Variants in PLEKHG3 observed in about 807,000 individuals in gnomAD.
PLEKHG3 encodes the protein pleckstrin homology and RhoGEF domain containing G3.
PLEKHG3 carries 62 observed loss-of-function variants against 94.9 expected under a neutral mutation model. That is an observed-to-expected ratio of 0.65 (90% CI 0.53 to 0.81). The LOEUF (loss-of-function observed/expected upper bound fraction) is 0.81. Ranked by LOEUF, PLEKHG3 falls within the 30% of genes least tolerant of loss-of-function variation. PLEKHG3 has a pLI of 0.00. For synonymous variants in PLEKHG3, 614 were observed against 654.0 expected (o/e 0.94, Z 0.93); for missense variants, 1,461 against 1,619.3 (o/e 0.90, Z 1.68).
Position 64,741,312 on chromosome 14 carries a change from C to T in PLEKHG3, c.1795C>T (p.Leu599=), listed in dbSNP as rs1481635686. ...TGAGAGCCTTCTGCCACCCTCTGTG[C>T]TGGACCAGGCCAGCGTCATTGCGGA... is the stretch of plus-strand genomic sequence containing the variant. ...EPESLLPPSV[L]DQASVIAERF... is the part of the protein sequence containing the mutation. Residue 599 remains leucine (L), a synonymous_variant, in exon 16 of 17, where the codon CTG becomes TTG. Coordinates refer to ENST00000247226, the MANE Select transcript of PLEKHG3 (RefSeq NM_001308147.2). 6.2e-7 allele frequency: 1 copy of T among 1,613,634 alleles called. No homozygotes were observed. Among genetic ancestry groups the T allele is most frequent in the Non-Finnish European group, 8.5e-7 (1 of 1,180,030 alleles).
chr14:64,714,450 T>C (rs2081106338), intron 1 of PLEKHG3, among the ~76,000 whole-genome samples: 1 of 152,212 alleles, frequency 6.6e-6, no homozygotes, highest in Admixed American at 6.5e-5. Context: ...TATTCTGTTT[T>C]CCCTCCTCTA....
intron 1 of PLEKHG3, among the ~76,000 whole-genome samples, chr14:64,712,780 C>G (rs1406148138): frequency 1.3e-5 from 2 of 152,148 alleles, no homozygotes; most frequent in African/African-American, 4.8e-5. Flanking sequence ...TTATTTCTTC[C>G]TTTTCAACCC....
Position 64,731,677 on chromosome 14 carries a change from A to G in PLEKHG3, c.1033-37A>G, listed in dbSNP as rs1182180122. The G allele has an allele frequency of 2.6e-6, 4 of 1,564,222 alleles. No individual in the cohort carries two copies. The East Asian group carries it at 6.7e-5, about 26-fold the overall frequency. On this transcript the variant is annotated intron_variant, in intron 8 of 16. Coordinates refer to ENST00000247226, the MANE Select transcript of PLEKHG3 (RefSeq NM_001308147.2). This position sits in a 1 kb window ranked among gnomAD's most constrained non-coding sequence, Gnocchi z 6.1. ...ACCCTCCCTGCTTCCCCAGGCTGTC[A>G]ACCTTGTGCTTGACTGTCCTTTCCC...
rs1164800175 is a variant in PLEKHG3 at position 64,737,087 on chromosome 14, T to A, written c.1384+196T>A. ...GGAGAGGGGCTGGAGCTCTCCCCCA[T>A]GCACAGGCCTCATGCCCTTTCCTCC... On this transcript the variant is annotated intron_variant, in intron 13 of 16. Transcript: ENST00000247226. 10 of 664,376 alleles carry A rather than the reference T, an allele frequency of 1.5e-5. No homozygotes were observed. In the East Asian group the frequency reaches 2.7e-4, roughly 18 times the overall value. The allele number at this position is 664,376 out of a possible 1,614,324, so 41.2% of individuals were successfully genotyped here. A position where few individuals can be genotyped will look rare whatever the true frequency, so the allele number is the denominator to read the frequency against.
intron 1 of PLEKHG3, among the ~76,000 whole-genome samples, chr14:64,707,389 C>A (rs1414629967): frequency 6.6e-6 from 1 of 152,190 alleles, no homozygotes; most frequent in African/African-American, 2.4e-5. Context: ...CCCCTTAGTT[C>A]TATTTTAAAG....
Position 64,704,444 on chromosome 14 carries a change from C to G in PLEKHG3, c.-300C>G, listed in dbSNP as rs1429439090. On this transcript the variant is annotated 5_prime_UTR_variant, in exon 1 of 17. Transcript: ENST00000247226. This position sits in a 1 kb window ranked among gnomAD's most constrained non-coding sequence, Gnocchi z 5.6. ...CCCTCGCTCCCTCGCTCCCTCGCTC[C>G]CTCCTGCCCTCCCGCTGCAGCTCCG... 1.2e-5 allele frequency: 2 copies of G among 162,674 alleles called. No individual in the cohort carries two copies. The highest frequency in any genetic ancestry group is 4.9e-5 in the African/African-American group (2 of 41,202). 10.1% of individuals were successfully genotyped at this position (162,674 alleles called of 1,614,324 possible).
At chr14:64,737,086 A>G in intron 13 of PLEKHG3, 195 bp downstream of exon 13, 3 of 668,512 alleles carry the variant, frequency 4.5e-6, no homozygotes, top group Non-Finnish European at 8.3e-6. Flanking sequence ...GCTCTCCCCC[A>G]TGCACAGGCC....
intron 1 of PLEKHG3, among the ~76,000 whole-genome samples, chr14:64,711,823 A>C (rs183055839): frequency 1.0e-3 from 153 of 152,306 alleles, no homozygotes; most frequent in Non-Finnish European, 2.0e-3. Flanking sequence ...GTGCTGTGAA[A>C]CACAAAAGTT....
In PLEKHG3 at chr14:64,749,752, A is replaced by AGAGGGCTGGCTCT; in HGVS notation, c.*6052_*6064dup. 6.3e-7 allele frequency: 1 copy of AGAGGGCTGGCTCT among 1,597,560 alleles called. No individual in the cohort carries two copies. Among genetic ancestry groups the AGAGGGCTGGCTCT allele is most frequent in the South Asian group, 1.1e-5 (1 of 89,378 alleles). On this transcript the variant is annotated 3_prime_UTR_variant, in exon 17 of 17. Transcript: ENST00000247226. This position sits in a 1 kb window ranked among gnomAD's most constrained non-coding sequence, Gnocchi z 4.7. ...GACACCTCTGGAGGGGGCGCTGGGC[A>AGAGGGCTGGCTCT]GAGGGCTGGCTCTGATCCCACAATA...
At position 64,741,326 on chromosome 14, in the gene PLEKHG3, C is replaced by T. The variant is rs772799981; in HGVS notation, c.1809C>T (p.Ser603=). The part of the protein sequence containing the change: ...LLPPSVLDQA[S]VIAERFVSSF... ...CACCCTCTGTGCTGGACCAGGCCAG[C>T]GTCATTGCGGAGCGATTTGTCAGCA... is the stretch of plus-strand genomic sequence containing the variant. The change falls in exon 16 of 17, where the codon AGC becomes AGT. Residue 603 remains serine, a synonymous_variant. Transcript: ENST00000247226. The T allele has an allele frequency of 2.5e-5, 40 of 1,613,496 alleles. No homozygotes were observed. Among genetic ancestry groups the T allele is most frequent in the Admixed American group, 1.0e-4 (6 of 60,010 alleles).
At position 64,749,549 on chromosome 14, in the gene PLEKHG3, G is replaced by A. The variant is rs2081909982; in HGVS notation, c.*5846G>A. 6.2e-7 allele frequency: 1 copy of A among 1,602,348 alleles called. No homozygotes were observed. The highest frequency in any genetic ancestry group is 8.5e-7 in the Non-Finnish European group (1 of 1,178,542). On this transcript the variant is annotated 3_prime_UTR_variant, in exon 17 of 17. Transcript: ENST00000247226. The surrounding 1 kb of genome is among the most constrained non-coding windows in gnomAD (Gnocchi z 4.7). ...TCCCGGGCCAGGCAACAATGGTGGGGGCTCTTGGGACTGCCCCTTCTGAGG... is the reference window on the plus strand; with the variant it reads ...TCCCGGGCCAGGCAACAATGGTGGGAGCTCTTGGGACTGCCCCTTCTGAGG...
Position 64,729,209 on chromosome 14 carries a change from C to T in PLEKHG3, c.449+116C>T, listed in dbSNP as rs1348375964. 12 of 566,118 alleles carry T rather than the reference C, an allele frequency of 2.1e-5. No individual in the cohort carries two copies. The East Asian group carries it at 3.6e-4, about 17-fold the overall frequency. The allele number at this position is 566,118 out of a possible 1,614,324, so 35.1% of individuals were successfully genotyped here. A position where few individuals can be genotyped will look rare whatever the true frequency, so the allele number is the denominator to read the frequency against. ...GGCCTGTGACATGTGGGCCTGGGGC[C>T]TGATCTCTGAGGACAGGGAAGGGTT... is the stretch of plus-strand genomic sequence containing the variant. On this transcript the variant is annotated intron_variant, in intron 3 of 16. Transcript: ENST00000247226.
chr14:64,724,374 C>G (rs1200918414), intron 1 of PLEKHG3, among the ~76,000 whole-genome samples: 3 of 152,096 alleles, frequency 2.0e-5, no homozygotes, highest in Non-Finnish European at 2.9e-5. Flanking sequence ...GCTCTTGGCT[C>G]TTTTCCAGCA....
In PLEKHG3 at chr14:64,743,467, C is replaced by T. The variant is rs766151904; in HGVS notation, c.3424C>T (p.Arg1142Trp). The part of the protein sequence containing the change: ...VTADLTLEDN[R>W]RVIVMEKGPL... ...TGCAGACCTCACCCTGGAGGACAACCGGCGGGTGATTGTCATGGAGAAGGG... is the reference window on the plus strand; with the variant it reads ...TGCAGACCTCACCCTGGAGGACAACTGGCGGGTGATTGTCATGGAGAAGGG... The change falls in exon 17 of 17, where the codon CGG becomes TGG. Residue 1142 changes from arginine (R) to tryptophan (W), a missense_variant. Transcript: ENST00000247226. This position sits in a 1 kb window ranked among gnomAD's most constrained non-coding sequence, Gnocchi z 7.2. 2.9e-5 allele frequency: 47 copies of T among 1,613,080 alleles called. No homozygotes were observed. Among genetic ancestry groups the T allele is most frequent in the Middle Eastern group, 1.6e-4 (1 of 6,082 alleles).
chr14:64,740,194 C>G (rs1186354293), intron 15 of PLEKHG3, among the ~76,000 whole-genome samples: 1 of 152,164 alleles, frequency 6.6e-6, no homozygotes, highest in African/African-American at 2.4e-5. Context: ...GCTGGTGGCT[C>G]CCATGTTGAA....
Position 64,745,708 on chromosome 14 carries a change from A to T in PLEKHG3, c.*2005A>T, listed in dbSNP as rs1238573879. 1 of 152,226 alleles carries T rather than the reference A, an allele frequency of 6.6e-6. No individual in the cohort carries two copies. Among genetic ancestry groups the T allele is most frequent in the African/African-American group, 2.4e-5 (1 of 41,444 alleles). 9.4% of individuals were successfully genotyped at this position (152,226 alleles called of 1,614,324 possible). A position where few individuals can be genotyped will look rare whatever the true frequency, so the allele number is the denominator to read the frequency against. ...GCCCTGCGCTGCTTCTGCTCAAGAG[A>T]GGTTGTCACTAGCCTCTGATCTTCC... On this transcript the variant is annotated 3_prime_UTR_variant, in exon 17 of 17. Transcript: ENST00000247226. The surrounding 1 kb of genome is among the most constrained non-coding windows in gnomAD (Gnocchi z 5.0).
At chr14:64,737,980 A>AGGT in intron 14 of PLEKHG3, 1 of 926,340 alleles carries the variant, frequency 1.1e-6, no homozygotes, top group Non-Finnish European at 1.4e-6. Flanking sequence ...GAGGTGGTGG[A>AGGT]GGAGGAGGAG....
At chr14:64,709,729 CTGTGTGTGTGTG>C (rs3063746) in intron 1 of PLEKHG3, among the ~76,000 whole-genome samples, 12 of 144,024 alleles carry the variant, frequency 8.3e-5, no homozygotes, top group Admixed American at 2.8e-4. Flanking sequence ...GGCTGTGAGA[CTGTGTGTGTGTG>C]TGTGTGTGTG....
intron 1 of PLEKHG3, among the ~76,000 whole-genome samples, chr14:64,706,352 C>T (rs2080970488): frequency 1.3e-5 from 2 of 152,208 alleles, no homozygotes; most frequent in Non-Finnish European, 2.9e-5. Context: ...AAGTAGAAAC[C>T]AGAGGTCAGA....
Sources: allele counts gnomAD v4.1 joint callset (sites outside exome capture counted in the v4.1 genomes callset), GRCh38; gene constraint gnomAD v4.1.1; non-coding constraint Gnocchi (gnomAD v3.1); transcripts MANE v1.5; gene names NCBI Gene and HGNC (gene_info 2026-07-23, HGNC 2026-07-21).